Variants in GPR18 observed in about 807,000 individuals in gnomAD.
GPR18 encodes N-arachidonyl glycine receptor.
GPR18 carries 20 observed loss-of-function variants against 22.8 expected under a neutral mutation model. The ratio of observed to expected loss-of-function variants is 0.88; its 90% CI spans 0.62 to 1.28. The LOEUF is 1.28. GPR18 is among the 50% of genes most tolerant of loss of function. The probability of loss-of-function intolerance (pLI) is 0.00; values close to 1 mark genes in which losing one functional copy is unlikely to be tolerated. For synonymous variants in GPR18, 160 were observed against 155.3 expected (o/e 1.03, Z -0.22); for missense variants, 379 against 412.0 (o/e 0.92, Z 0.69).
rs138108915 is a variant in GPR18 at position 99,255,365 on chromosome 13, C to T, written c.508G>A (p.Ala170Thr). Reference sequence around the variant, plus strand: ...ATGTCAGAAATCTTGAGGCAGGTGGCGGGAGTGGAGTCTTTATCTGGGTCT... The same window carrying T: ...ATGTCAGAAATCTTGAGGCAGGTGGTGGGAGTGGAGTCTTTATCTGGGTCT... ...YKDPDKDSTP[A>T]TCLKISDIIY... Residue 170 changes from alanine (A) to threonine (T), a missense_variant, in exon 2 of 2, where the codon GCC becomes ACC. Ala to Thr is a moderately conservative substitution (Grantham distance 58, BLOSUM62 0). Transcript: ENST00000397470. The T allele has an allele frequency of 4.3e-5, 69 of 1,613,948 alleles. 1 individual carries two copies. The highest frequency in any genetic ancestry group is 2.8e-4 in the African/African-American group (21 of 74,874).
intron 1 of GPR18, among the ~76,000 whole-genome samples, chr13:99,257,533 T>C (rs940331868): frequency 7.2e-5 from 11 of 152,236 alleles, no homozygotes; most frequent in African/African-American, 2.7e-4. Context: ...AATACTTATA[T>C]TCATTTGCTG....
At chr13:99,256,724 C>A (rs1447787243) in intron 1 of GPR18, among the ~76,000 whole-genome samples, 19 of 105,448 alleles carry the variant, frequency 1.8e-4, no homozygotes, top group South Asian at 6.0e-4. Context: ...AAAAAAAAAA[C>A]CGTCCATTTT....
chr13:99,254,996 A>G lies in GPR18; in HGVS notation c.877T>C (p.Phe293Leu), dbSNP rs761185561. 1.2e-6 allele frequency: 2 copies of G among 1,614,170 alleles called. No individual in the cohort carries two copies. Among genetic ancestry groups the G allele is most frequent in the Non-Finnish European group, 1.7e-6 (2 of 1,180,034 alleles). The change falls in exon 2 of 2, where the codon TTT (phenylalanine) becomes CTT (leucine). Residue 293 changes from phenylalanine (F) to leucine (L), a missense_variant. By Grantham distance (22) the Phe-to-Leu change is conservative. Coordinates refer to ENST00000397470, the MANE Select transcript of GPR18 (RefSeq NM_001098200.2). ...ATGACACTAATGACTCGAGCCTGAA[A>G]TTGTTTTGAAACGATGTAGTAGAGA... ...VILYYIVSKQ[F>L]QARVISVMLY...
intron 1 of GPR18, 35 bp from the exon 2 acceptor site, chr13:99,255,941 CGTT>C (rs1209709706): frequency 7.1e-7 from 1 of 1,408,616 alleles, no homozygotes; most frequent in African/African-American, 1.4e-5. Context: ...AGAATAAAAT[CGTT>C]GGTTAAAAAA....
intron 1 of GPR18, among the ~76,000 whole-genome samples, chr13:99,257,775 CAT>C (rs1353933864): frequency 3.3e-5 from 5 of 152,044 alleles, no homozygotes; most frequent in African/African-American, 1.2e-4. Flanking sequence ...CCTAAATATA[CAT>C]ATGATTTACC....
In GPR18 at chr13:99,258,299, CTT is replaced by C. The variant is rs1412657514; in HGVS notation, c.-182_-181del. The C allele has an allele frequency of 2.0e-5, 3 of 152,178 alleles. No homozygotes were observed. The highest frequency in any genetic ancestry group is 7.2e-5 in the African/African-American group (3 of 41,446). The allele number at this position is 152,178 out of a possible 1,614,324, so 9.4% of individuals were successfully genotyped here. On this transcript the variant is annotated 5_prime_UTR_variant, in exon 1 of 2. Transcript: ENST00000397470. ...GAAATGTTGTATTTTGTTTTAGACTCTTTTGTTGCTTTAAAAAGTAGTTTCCA... is the reference window on the plus strand; with the variant it reads ...GAAATGTTGTATTTTGTTTTAGACTCTTGTTGCTTTAAAAAGTAGTTTCCA...
Position 99,255,917 on chromosome 13 carries a change from AG to A in GPR18, c.-34-12del. 1 of 1,479,872 alleles carries A rather than the reference AG, an allele frequency of 6.8e-7. No individual in the cohort carries two copies. 91.7% of individuals were successfully genotyped at this position (1,479,872 alleles called of 1,614,324 possible). On this transcript the variant is annotated splice_polypyrimidine_tract_variant and intron_variant, in intron 1 of 1. Transcript: ENST00000397470. ...CATGATACTTAGAAACTGTAAAAAT[AG>A]TTAAGAAAAATAAGAATAAAATCGT... is the stretch of plus-strand genomic sequence containing the variant.
chr13:99,256,648 A>G (rs963781271), intron 1 of GPR18: 2 of 151,936 alleles, frequency 1.3e-5, no homozygotes, highest in Admixed American at 6.6e-5. Flanking sequence ...AGACAAGTAG[A>G]TATTAATAAG....
In GPR18 at chr13:99,254,847, G is replaced by A. The variant is rs1156601242; in HGVS notation, c.*30C>T. ...CAGAGTAGTTAGTGAAGTGAATTTTGATGGGATTGAAATGAAAGAACCTTA... is the reference window on the plus strand; with the variant it reads ...CAGAGTAGTTAGTGAAGTGAATTTTAATGGGATTGAAATGAAAGAACCTTA... On this transcript the variant is annotated 3_prime_UTR_variant, in exon 2 of 2. Transcript: ENST00000397470. The A allele has an allele frequency of 6.4e-6, 10 of 1,557,524 alleles. No individual in the cohort carries two copies. The highest frequency in any genetic ancestry group is 8.7e-6 in the Non-Finnish European group (10 of 1,144,260).
intron 1 of GPR18, among the ~76,000 whole-genome samples, chr13:99,257,272 C>G (rs1292961348): frequency 4.6e-5 from 7 of 152,116 alleles, no homozygotes; most frequent in Admixed American, 4.6e-4. Flanking sequence ...AATTATATCT[C>G]TAGTGTCATT....
chr13:99,258,000 A>G (rs2043596737), intron 1 of GPR18, among the ~76,000 whole-genome samples, 154 bp downstream of exon 1: 1 of 152,234 alleles, frequency 6.6e-6, no homozygotes, highest in African/African-American at 2.4e-5. Context: ...CCTGGGCACA[A>G]CTGATCCTCC....
intron 1 of GPR18, chr13:99,256,320 T>C (rs1203797489): frequency 6.5e-6 from 1 of 154,054 alleles, no homozygotes; most frequent in Non-Finnish European, 1.4e-5. Flanking sequence ...CTTCATAATA[T>C]TTATTACCTT....
chr13:99,255,183 G>A lies in GPR18; in HGVS notation c.690C>T (p.Ser230=), dbSNP rs1470417849. 6.2e-7 allele frequency: 1 copy of A among 1,614,112 alleles called. No homozygotes were observed. Among genetic ancestry groups the A allele is most frequent in the Admixed American group, 1.7e-5 (1 of 60,022 alleles). Residue 230 remains serine (S), a synonymous_variant, in exon 2 of 2, where the codon TCC becomes TCT. Coordinates refer to ENST00000397470, the MANE Select transcript of GPR18 (RefSeq NM_001098200.2). ...SKLKPKVKEK[S]IRIIITLLVQ... ...CCAGCAGCGTGATGATGATCCTTATGGACTTCTCCTTGACTTTGGGTTTCA... is the reference window on the plus strand; with the variant it reads ...CCAGCAGCGTGATGATGATCCTTATAGACTTCTCCTTGACTTTGGGTTTCA...
chr13:99,256,710 C>CAAAAA (rs3031409), intron 1 of GPR18, among the ~76,000 whole-genome samples: 1 of 146,046 alleles, frequency 6.8e-6, no homozygotes, highest in Admixed American at 6.8e-5. Context: ...TTTCCATCAC[C>CAAAAA]AAAAAAAAAA....
chr13:99,256,312 T>G (rs2043555743), intron 1 of GPR18: 1 of 154,450 alleles, frequency 6.5e-6, no homozygotes, highest in Non-Finnish European at 1.4e-5. Context: ...TGGAAACACT[T>G]CATAATATTT....
In GPR18 at chr13:99,255,407, GA is replaced by G; in HGVS notation, c.465del (p.Leu156CysfsTer26). ...VWIMTLTTTTPLLLLYKDPDK... is the reference protein window; with the variant it reads ...VWIMTLTTTTXLLLLYKDPDK... ...TCTGGGTCTTTATAGAGCAGTAGCA[GA>G]GGGGTGGTCGTGGTCAGGGTCATTA... On this transcript the variant is annotated frameshift_variant, in exon 2 of 2. Coordinates refer to ENST00000397470, the MANE Select transcript of GPR18 (RefSeq NM_001098200.2). LOFTEE classifies it high-confidence loss of function. 6.2e-7 allele frequency: 1 copy of G among 1,614,184 alleles called. No homozygotes were observed. Among genetic ancestry groups the G allele is most frequent in the South Asian group, 1.1e-5 (1 of 91,082 alleles).
intron 1 of GPR18, chr13:99,256,217 T>C (rs1304442405): frequency 1.2e-5 from 2 of 172,952 alleles, no homozygotes; most frequent in East Asian, 3.1e-4. Flanking sequence ...AACTCTACTT[T>C]GCTAAAAAAC....
chr13:99,256,972 G>C (rs531673883), intron 1 of GPR18, among the ~76,000 whole-genome samples: 1 of 152,280 alleles, frequency 6.6e-6, no homozygotes, highest in South Asian at 2.1e-4. Context: ...GGAAAACTAT[G>C]GGGGAGATTT....
Position 99,254,913 on chromosome 13 carries a change from T to C in GPR18, c.960A>G (p.Leu320=). The C allele has an allele frequency of 1.2e-6, 2 of 1,614,116 alleles. No homozygotes were observed. The highest frequency in any genetic ancestry group is 1.7e-6 in the Non-Finnish European group (2 of 1,179,996). ...CACTGTTTATATTGCTTAGTGACCG[T>C]AGACTACCAGATCGGAAACTTTTTC... is the stretch of plus-strand genomic sequence containing the variant. ...MRRKSFRSGS[L]RSLSNINSEM... The change falls in exon 2 of 2, where the codon CTA becomes CTG. Residue 320 remains leucine (L), a synonymous_variant. Transcript: ENST00000397470.
Sources: gnomAD v4.1 joint callset for allele counts (sites outside exome capture counted in the v4.1 genomes callset) on GRCh38, gnomAD v4.1.1 for gene constraint, MANE v1.5 for transcripts, NCBI Gene and HGNC (gene_info 2026-07-23, HGNC 2026-07-21) for gene names.